The following FRMD6 variants were observed in gnomAD, a reference collection of about 807,000 sequenced individuals.
FRMD6 encodes the protein FERM domain-containing protein 6.
A neutral mutation model predicts 73.2 loss-of-function variants in FRMD6; 37 were observed. The observed-to-expected ratio is 0.51, with a 90% confidence interval of 0.39 to 0.66. The LOEUF (loss-of-function observed/expected upper bound fraction) is 0.66, where lower values mean the gene tolerates loss of function less well. Among genes scored for constraint, FRMD6 ranks in the 30% least tolerant of loss-of-function variants. The probability of loss-of-function intolerance (pLI) is 0.00; values close to 1 mark genes in which losing one functional copy is unlikely to be tolerated. For synonymous variants in FRMD6, 273 were observed against 282.2 expected (o/e 0.97, Z 0.33); for missense variants, 714 against 780.5 (o/e 0.91, Z 1.02).
At chr14:51,484,484 C>CA (rs1451145198), upstream of FRMD6, among the ~76,000 whole-genome samples, 1 of 151,844 alleles carries the variant, frequency 6.6e-6, no homozygotes, top group Non-Finnish European at 1.5e-5. Context: ...ACATAACGAA[C>CA]AAGAAAACTT....
chr14:51,717,114 C>T (rs1308066961), intron 10 of FRMD6: 1 of 152,160 alleles, frequency 6.6e-6, no homozygotes, highest in Non-Finnish European at 1.5e-5. Context: ...AGAGACAGGG[C>T]GTTGTTCATT....
At chr14:51,670,235 T>C (rs901210950) in intron 1 of FRMD6, among the ~76,000 whole-genome samples, 1 of 151,950 alleles carries the variant, frequency 6.6e-6, no homozygotes, top group African/African-American at 2.4e-5. Flanking sequence ...CCACCACACA[T>C]AGCTAATTTT....
the FRMD6 span, among the ~76,000 whole-genome samples, chr14:51,459,633 C>T: frequency 2.0e-5 from 3 of 151,968 alleles, no homozygotes; most frequent in Admixed American, 6.6e-5. Context: ...TGAGACCATC[C>T]TGGCTAACAT....
At chr14:51,500,825 T>C (rs1047541244) in intron 1 of FRMD6, among the ~76,000 whole-genome samples, 2 of 152,164 alleles carry the variant, frequency 1.3e-5, no homozygotes, top group Non-Finnish European at 2.9e-5. Flanking sequence ...TTAAGTATCT[T>C]GAGTTGGAAG....
chr14:51,530,589 T>A (rs1885525317), intron 1 of FRMD6, among the ~76,000 whole-genome samples: 1 of 152,040 alleles, frequency 6.6e-6, no homozygotes. Context: ...CAAGTGATCC[T>A]CCTGCCTCGG....
At chr14:51,435,997 C>T in the FRMD6 span, 1 of 161,628 alleles carries the variant, frequency 6.2e-6, no homozygotes, top group South Asian at 1.6e-4. Flanking sequence ...TCCTGATGAG[C>T]GAGGAGACCT....
intron 2 of FRMD6, among the ~76,000 whole-genome samples, chr14:51,599,384 G>C (rs57883595): frequency 6.6e-6 from 1 of 152,046 alleles, no homozygotes; most frequent in Non-Finnish European, 1.5e-5. Context: ...CAAAGTATAA[G>C]AATTCCAGAA....
intron 12 of FRMD6, among the ~76,000 whole-genome samples, chr14:51,725,235 A>G (rs141939492): frequency 3.3e-5 from 5 of 152,264 alleles, no homozygotes; most frequent in Non-Finnish European, 7.4e-5. Flanking sequence ...GGAGACTGAG[A>G]CACTGGGAGG....
Position 51,689,873 on chromosome 14 carries a change from C to G in FRMD6, c.37C>G (p.Gln13Glu). The change falls in exon 2 of 14, where the codon CAA becomes GAA. Residue 13 changes from glutamine (Q) to glutamate (E), a missense_variant. Transcript: ENST00000344768. ...GAATTTTCATAACAACAGAGTCATG[C>G]AAGACCGCCGCAGTGTGTGCATTTT... ...KLNFHNNRVM[Q>E]DRRSVCIFLP... 1 of 1,613,350 alleles carries G rather than the reference C, an allele frequency of 6.2e-7. No homozygotes were observed. Among genetic ancestry groups the G allele is most frequent in the Non-Finnish European group, 8.5e-7 (1 of 1,179,536 alleles).
chr14:51,536,950 C>T (rs940516195), intron 1 of FRMD6, among the ~76,000 whole-genome samples: 2 of 152,154 alleles, frequency 1.3e-5, no homozygotes, highest in Non-Finnish European at 2.9e-5. Flanking sequence ...CCCTGCCCCC[C>T]ACACACAGTC....
chr14:51,677,398 G>C (rs1350122147), intron 1 of FRMD6, among the ~76,000 whole-genome samples: 1 of 151,890 alleles, frequency 6.6e-6, no homozygotes, highest in Admixed American at 6.6e-5. Flanking sequence ...CTGTGTCAGA[G>C]GGAATTGAGT....
At chr14:51,604,658 C>G (rs1445072938) in intron 2 of FRMD6, among the ~76,000 whole-genome samples, 1 of 152,060 alleles carries the variant, frequency 6.6e-6, no homozygotes, top group East Asian at 1.9e-4. Context: ...TTTCTTCCAC[C>G]AGATGCCAAG....
chr14:51,656,984 T>C (rs1035758764), intron 1 of FRMD6, among the ~76,000 whole-genome samples: 3 of 152,194 alleles, frequency 2.0e-5, no homozygotes, highest in Admixed American at 1.3e-4. Flanking sequence ...TACTGATACA[T>C]GAAGACAGAG....
At chr14:51,565,338 A>T (rs1887715456) in intron 1 of FRMD6, 1 of 152,266 alleles carries the variant, frequency 6.6e-6, no homozygotes, top group Non-Finnish European at 1.5e-5. Flanking sequence ...AGTGTAACCC[A>T]CTTGGGGGCA....
At chr14:51,697,494 G>GT (rs1896027382) in intron 2 of FRMD6, among the ~76,000 whole-genome samples, 1 of 152,088 alleles carries the variant, frequency 6.6e-6, no homozygotes, top group Non-Finnish European at 1.5e-5. Flanking sequence ...AGACTGAGGA[G>GT]TTAGGGGGAC....
At chr14:51,404,247 T>A in the FRMD6 span, among the ~76,000 whole-genome samples, 1 of 152,184 alleles carries the variant, frequency 6.6e-6, no homozygotes, top group Non-Finnish European at 1.5e-5. Flanking sequence ...CCATTTTTCT[T>A]TCTGTTTTTG....
At chr14:51,599,140 C>A (rs1306831133) in intron 2 of FRMD6, among the ~76,000 whole-genome samples, 1 of 132,900 alleles carries the variant, frequency 7.5e-6, no homozygotes, top group East Asian at 2.3e-4. Flanking sequence ...TTTTGCTTTG[C>A]ATTTCTCTGA....
intron 2 of FRMD6, among the ~76,000 whole-genome samples, chr14:51,632,684 T>C (rs923481435): frequency 6.6e-6 from 1 of 152,176 alleles, no homozygotes; most frequent in African/African-American, 2.4e-5. Context: ...GATAAATCCA[T>C]AGAGGATGGA....
intron 6 of FRMD6, among the ~76,000 whole-genome samples, chr14:51,706,080 G>A (rs952305301): frequency 3.3e-5 from 5 of 152,050 alleles, no homozygotes; most frequent in Admixed American, 6.6e-5. Flanking sequence ...TCATTTCTAC[G>A]TATTCCTACC....
Sources: gnomAD v4.1 joint callset for allele counts (sites outside exome capture counted in the v4.1 genomes callset) on GRCh38, gnomAD v4.1.1 for gene constraint, MANE v1.5 for transcripts, NCBI Gene and HGNC (gene_info 2026-07-23, HGNC 2026-07-21) for gene names.